Variants in STAT3 observed in about 807,000 individuals in gnomAD.
The protein encoded by STAT3 is DNA-binding protein APRF.
Under a neutral mutation model 114.3 loss-of-function variants are expected in STAT3, and 7 were observed. That is an observed-to-expected ratio of 0.06 (90% CI 0.03 to 0.11). STAT3 has a LOEUF of 0.11. Among genes scored for constraint, STAT3 ranks in the 10% least tolerant of loss-of-function variants. STAT3 has a pLI of 1.00. For synonymous variants in STAT3, 331 were observed against 354.5 expected (o/e 0.93, Z 0.74); for missense variants, 364 against 960.9 (o/e 0.38, Z 8.21).
At chr17:42,316,968 A>G in intron 22 of STAT3, 67 bp from the exon 23 acceptor site, 1 of 1,573,680 alleles carries the variant, frequency 6.4e-7, no homozygotes. Flanking sequence ...AAAAAAAAAA[A>G]AGAACAAAAC....
intron 8 of STAT3, among the ~76,000 whole-genome samples, chr17:42,335,790 G>A (rs2082205425): frequency 6.6e-6 from 1 of 152,138 alleles, no homozygotes; most frequent in African/African-American, 2.4e-5. Context: ...TTGAACCTGG[G>A]AGGAGGAGGT....
chr17:42,357,570 G>T (rs1567739941), intron 1 of STAT3, among the ~76,000 whole-genome samples: 1 of 152,152 alleles, frequency 6.6e-6, no homozygotes, highest in Non-Finnish European at 1.5e-5. Flanking sequence ...CACTTGGGAG[G>T]CTGAGGCAGG....
At chr17:42,331,889 C>T (rs2082024942) in intron 10 of STAT3, among the ~76,000 whole-genome samples, 1 of 151,916 alleles carries the variant, frequency 6.6e-6, no homozygotes, top group Non-Finnish European at 1.5e-5. Flanking sequence ...GATCATGCCA[C>T]TGCACTCTAG....
At chr17:42,341,987 T>G (rs1314574850) in intron 4 of STAT3, among the ~76,000 whole-genome samples, 1 of 152,100 alleles carries the variant, frequency 6.6e-6, no homozygotes, top group Non-Finnish European at 1.5e-5. Flanking sequence ...CCATGGTAAG[T>G]TGGAGCCTCT....
chr17:42,357,838 G>GTTTT (rs2083301660), intron 1 of STAT3, among the ~76,000 whole-genome samples: 1 of 152,024 alleles, frequency 6.6e-6, no homozygotes, highest in Non-Finnish European at 1.5e-5. Flanking sequence ...CAATTTCATA[G>GTTTT]TTTTAAGTCC....
chr17:42,337,317 T>C lies in STAT3; in HGVS notation c.797+118A>G. On this transcript the variant is annotated intron_variant, in intron 8 of 23. Coordinates refer to ENST00000264657, the MANE Select transcript of STAT3 (RefSeq NM_139276.3). The surrounding 1 kb of genome is among the most constrained non-coding windows in gnomAD (Gnocchi z 4.0). Reference sequence around the variant, plus strand: ...AAAAACTTTAATTCTTGGGCTAAATTTGAATATGGAAAAGTCCCCACGTTG... The same window carrying C: ...AAAAACTTTAATTCTTGGGCTAAATCTGAATATGGAAAAGTCCCCACGTTG... The C allele has an allele frequency of 2.8e-6, 4 of 1,432,180 alleles. No homozygotes were observed. Among genetic ancestry groups the C allele is most frequent in the Non-Finnish European group, 3.8e-6 (4 of 1,066,226 alleles). The allele number at this position is 1,432,180 out of a possible 1,614,324, so 88.7% of individuals were successfully genotyped here. A position where few individuals can be genotyped will look rare whatever the true frequency, so the allele number is the denominator to read the frequency against.
At position 42,345,625 on chromosome 17, in the gene STAT3, G is replaced by A; in HGVS notation, c.306C>T (p.Ala102=). 6.2e-7 allele frequency: 1 copy of A among 1,608,076 alleles called. No homozygotes were observed. Among genetic ancestry groups the A allele is most frequent in the Non-Finnish European group, 8.5e-7 (1 of 1,176,576 alleles). Residue 102 remains alanine, a synonymous_variant, in exon 4 of 24, where the codon GCC becomes GCT. Coordinates refer to ENST00000264657, the MANE Select transcript of STAT3 (RefSeq NM_139276.3). ...CCCACAGGCACCGGGCCACAATCCG[G>A]GCAATCTCCATTGGCTTCTCAAGAT... ...SRYLEKPMEI[A]RIVARCLWEE... is the part of the protein sequence containing the mutation.
intron 1 of STAT3, among the ~76,000 whole-genome samples, chr17:42,353,503 T>TAA (rs572754566): frequency 9.3e-5 from 14 of 151,186 alleles, no homozygotes; most frequent in African/African-American, 3.1e-4. Flanking sequence ...GTGGTTCTCC[T>TAA]AAAAAAAAAT....
Position 42,348,552 on chromosome 17 carries a change from G to C in STAT3, c.-23-13C>G, listed in dbSNP as rs1222539388. 6.2e-7 allele frequency: 1 copy of C among 1,612,330 alleles called. No homozygotes were observed. The highest frequency in any genetic ancestry group is 8.5e-7 in the Non-Finnish European group (1 of 1,179,878). Reference sequence around the variant, plus strand: ...TCAGGGGTCCCAACTGTAAACCAAAGTGTGCATATGTTCACCACAAGTCCC... The same window carrying C: ...TCAGGGGTCCCAACTGTAAACCAAACTGTGCATATGTTCACCACAAGTCCC... On this transcript the variant is annotated splice_polypyrimidine_tract_variant and intron_variant, in intron 1 of 23. Coordinates refer to ENST00000264657, the MANE Select transcript of STAT3 (RefSeq NM_139276.3).
At chr17:42,388,148 CGT>C in intron 1 of STAT3, 129 bp downstream of exon 1, 1 of 1,084,938 alleles carries the variant, frequency 9.2e-7, no homozygotes, top group Non-Finnish European at 1.2e-6. Context: ...CGACCCTCCG[CGT>C]CTCTTCATCT....
chr17:42,361,650 TG>T (rs2083514487), intron 1 of STAT3, among the ~76,000 whole-genome samples: 1 of 152,032 alleles, frequency 6.6e-6, no homozygotes, highest in African/African-American at 2.4e-5. Flanking sequence ...CAAAGCCAGG[TG>T]CCAGTTCTTA....
At chr17:42,351,588 C>G (rs1292831937) in intron 1 of STAT3, among the ~76,000 whole-genome samples, 1 of 152,082 alleles carries the variant, frequency 6.6e-6, no homozygotes, top group East Asian at 1.9e-4. Context: ...TTCTAAATCT[C>G]CTGTGTACTT....
intron 14 of STAT3, 58 bp downstream of exon 14, chr17:42,329,352 A>AC: frequency 6.2e-7 from 1 of 1,600,210 alleles, no homozygotes; most frequent in Admixed American, 1.7e-5. Flanking sequence ...AAGGATCTTT[A>AC]CCCCTCTCTC....
At chr17:42,330,435 CTTTT>C (rs551847953) in intron 11 of STAT3, among the ~76,000 whole-genome samples, 1 of 98,134 alleles carries the variant, frequency 1.0e-5, no homozygotes, top group African/African-American at 3.9e-5. Context: ...CTTTTCTTTT[CTTTT>C]TTTTTTTTTT....
chr17:42,381,209 A>C (rs1366035186), intron 1 of STAT3, among the ~76,000 whole-genome samples: 1 of 152,150 alleles, frequency 6.6e-6, no homozygotes, highest in Non-Finnish European at 1.5e-5. Context: ...ATACCAACCA[A>C]GTGTTTCAAA....
At chr17:42,372,105 C>T (rs2084183100) in intron 1 of STAT3, among the ~76,000 whole-genome samples, 1 of 152,220 alleles carries the variant, frequency 6.6e-6, no homozygotes, top group Non-Finnish European at 1.5e-5. Flanking sequence ...GGAACTCTCA[C>T]TCACTGCTGA....
At position 42,324,778 on chromosome 17, in the gene STAT3, C is replaced by T. The variant is rs2081633683; in HGVS notation, c.1533G>A (p.Gln511=). 1 of 1,614,170 alleles carries T rather than the reference C, an allele frequency of 6.2e-7. No homozygotes were observed. The highest frequency in any genetic ancestry group is 8.5e-7 in the Non-Finnish European group (1 of 1,180,032). The part of the protein sequence containing the change: ...WDQVAEVLSW[Q]FSSTTKRGLS... Reference sequence around the variant, plus strand: ...GTCCTCGCTTGGTGGTGGAGGAGAACTGCCAGCTCAGGACCTCGGCCACTT... The same window carrying T: ...GTCCTCGCTTGGTGGTGGAGGAGAATTGCCAGCTCAGGACCTCGGCCACTT... The change falls in exon 17 of 24, where the codon CAG becomes CAA. Residue 511 remains glutamine (Q), a synonymous_variant. Transcript: ENST00000264657. The surrounding 1 kb of genome is among the most constrained non-coding windows in gnomAD (Gnocchi z 4.5).
rs886052943 is a variant in STAT3 at position 42,337,575 on chromosome 17, A to G, written c.657T>C (p.Ser219=). The change falls in exon 8 of 24, where the codon AGT becomes AGC. Residue 219 remains serine (S), a synonymous_variant. Transcript: ENST00000264657. The surrounding 1 kb of genome is among the most constrained non-coding windows in gnomAD (Gnocchi z 4.0). ...TCGCTGACAAAAGCCCCGCCAGCTC[A>G]CTCACGATGCTCTGGTTGGAAACCA... ...ALDQMRRSIV[S]ELAGLLSAME... is the part of the protein sequence containing the mutation. 3.1e-6 allele frequency: 5 copies of G among 1,614,006 alleles called. No homozygotes were observed. Among genetic ancestry groups the G allele is most frequent in the Non-Finnish European group, 4.2e-6 (5 of 1,180,026 alleles).
intron 1 of STAT3, among the ~76,000 whole-genome samples, chr17:42,383,623 C>A (rs2084924045): frequency 6.6e-6 from 1 of 151,948 alleles, no homozygotes; most frequent in Admixed American, 6.6e-5. Context: ...GCCAAGGTGT[C>A]TAACAAAGAG....
Sources: gnomAD v4.1 joint callset for allele counts (sites outside exome capture counted in the v4.1 genomes callset) on GRCh38, gnomAD v4.1.1 for gene constraint, Gnocchi (gnomAD v3.1) non-coding constraint, MANE v1.5 for transcripts, NCBI Gene and HGNC (gene_info 2026-07-23, HGNC 2026-07-21) for gene names.